SEC23A: variants seen among roughly 807,000 people sequenced by gnomAD.
SEC23A encodes the protein SEC23 homolog A, COPII component.
In SEC23A, 56 loss-of-function variants were observed where a neutral mutation model predicts 103.7. That is an observed-to-expected ratio of 0.54 (90% CI 0.44 to 0.67). The LOEUF (loss-of-function observed/expected upper bound fraction) is 0.67, where lower values mean the gene tolerates loss of function less well. Ranked by LOEUF, SEC23A falls within the 30% of genes least tolerant of loss-of-function variation. The pLI, the probability that SEC23A is intolerant of heterozygous loss-of-function variation, is 0.00. For missense variants in SEC23A, 784 were observed against 936.4 expected, an observed-to-expected ratio of 0.84 and a Z score of 2.12; for synonymous variants, 281 against 293.0, an observed-to-expected ratio of 0.96 and a Z score of 0.42.
At chr14:39,068,063 A>G (rs1423651827) in intron 9 of SEC23A, among the ~76,000 whole-genome samples, 2 of 152,176 alleles carry the variant, frequency 1.3e-5, no homozygotes, top group African/African-American at 4.8e-5. Context: ...GCAAATGAGA[A>G]TGGAAGAAAA....
chr14:39,072,561 C>A (rs1886873057), intron 9 of SEC23A, among the ~76,000 whole-genome samples: 1 of 151,938 alleles, frequency 6.6e-6, no homozygotes, highest in Non-Finnish European at 1.5e-5. Context: ...ACCTGTAATC[C>A]CAGCACTTTG....
At chr14:39,034,499 C>T (rs1885400593) in intron 19 of SEC23A, among the ~76,000 whole-genome samples, 1 of 152,158 alleles carries the variant, frequency 6.6e-6, no homozygotes, top group Non-Finnish European at 1.5e-5. Flanking sequence ...CACAGAAAAG[C>T]ACAAGTCTCA....
Position 39,094,432 on chromosome 14 carries a change from ATATATATATATTTTT to A in SEC23A, c.222-1203_222-1189del, listed in dbSNP as rs1400815200. Among the ~76,000 whole-genome samples the A allele has an allele frequency of 2.6e-3, 95 of 36,844 alleles. 21 individuals carry two copies. The highest frequency in any genetic ancestry group is 0.017 in the African/African-American group (73 of 4,264). 24.2% of individuals were successfully genotyped at this position (36,844 alleles called of 152,430 possible). ...TATATATATATATATATATATATAT[ATATATATATATTTTT>A]TTTTTTTTTTTTTCCCCTCCTGTAG... On this transcript the variant is annotated intron_variant, in intron 2 of 19. Transcript: ENST00000307712.
At chr14:39,069,623 C>G (rs1886778502) in intron 9 of SEC23A, among the ~76,000 whole-genome samples, 5 of 151,946 alleles carry the variant, frequency 3.3e-5, no homozygotes, top group Admixed American at 3.3e-4. Context: ...CCATGCCCAG[C>G]CAATTTTTGT....
intron 13 of SEC23A, 39 bp downstream of exon 13, chr14:39,061,726 T>C: frequency 7.1e-7 from 1 of 1,400,744 alleles, no homozygotes; most frequent in East Asian, 2.3e-5. Context: ...CCCAGATACC[T>C]GTGATATGAA....
intron 3 of SEC23A, 174 bp from the exon 4 acceptor site, chr14:39,092,801 A>G: frequency 3.5e-6 from 2 of 579,306 alleles, no homozygotes; most frequent in Non-Finnish European, 6.1e-6. Context: ...CATGACTAGT[A>G]TTTTGGCATT....
In SEC23A at chr14:39,074,474, A is replaced by C. The variant is rs1280564476; in HGVS notation, c.1044T>G (p.Tyr348Ter). 1 of 1,613,710 alleles carries C rather than the reference A, an allele frequency of 6.2e-7. No homozygotes were observed. The highest frequency in any genetic ancestry group is 2.2e-5 in the East Asian group (1 of 44,850). ...AATTGHVIDI[Y>*]ACALDQTGLL... ...GACCTGTCTGATCTAATGCACACGC[A>C]TAGATATCAATAACATGGCCAGTTG... Residue 348 changes from tyrosine to a stop codon, truncating the protein, a stop_gained, in exon 9 of 20, where the codon TAT (tyrosine) becomes TAG (stop). Coordinates refer to ENST00000307712, the MANE Select transcript of SEC23A (RefSeq NM_006364.4). LOFTEE classifies it high-confidence loss of function.
At chr14:39,094,542 C>T (rs1224423658) in intron 2 of SEC23A, among the ~76,000 whole-genome samples, 4 of 149,176 alleles carry the variant, frequency 2.7e-5, no homozygotes, top group African/African-American at 9.8e-5. Context: ...GGATTACAGG[C>T]GTGAGCTACT....
In SEC23A at chr14:39,060,089, A is replaced by ATGTGTGCACACACATGTGTGTG. The variant is rs538925665; in HGVS notation, c.1505+1654_1505+1675dup. On this transcript the variant is annotated intron_variant, in intron 13 of 19. Transcript: ENST00000307712. ...GCAAATGTTCTGAATGTCAAATTTA[A>ATGTGTGCACACACATGTGTGTG]TGTGTGCACACACATGTGTGTGTGT... 1.9e-3 allele frequency among the ~76,000 whole-genome samples: 289 copies of ATGTGTGCACACACATGTGTGTG among 148,436 alleles called. No individual in the cohort carries two copies. The Middle Eastern group carries it at 0.035, about 18-fold the overall frequency.
In SEC23A at chr14:39,032,736, C is replaced by G. The variant is rs1236138114; in HGVS notation, c.*503G>C. ...TCCTAAACAAATCATAAAAATAAAT[C>G]TGCCTTAACCTAGTAAGTACAGAAA... is the stretch of plus-strand genomic sequence containing the variant. On this transcript the variant is annotated 3_prime_UTR_variant, in exon 20 of 20. Coordinates refer to ENST00000307712, the MANE Select transcript of SEC23A (RefSeq NM_006364.4). 6.6e-6 allele frequency: 1 copy of G among 152,574 alleles called. No individual in the cohort carries two copies. The highest frequency in any genetic ancestry group is 2.4e-5 in the African/African-American group (1 of 41,430). The allele number at this position is 152,574 out of a possible 1,614,324, so 9.5% of individuals were successfully genotyped here.
In SEC23A at chr14:39,065,997, C is replaced by CAAAAAAAAAAAAAAAAAAA. The variant is rs59260008; in HGVS notation, c.1228-1023_1228-1005dup. ...GGGCAATAAGAGCGAAACTCCATCT[C>CAAAAAAAAAAAAAAAAAAA]AAAAAAAAAAAAAAAAAAAAAAAAA... On this transcript the variant is annotated intron_variant, in intron 10 of 19. Transcript: ENST00000307712. 2.0e-4 allele frequency among the ~76,000 whole-genome samples: 16 copies of CAAAAAAAAAAAAAAAAAAA among 80,488 alleles called. 2 individuals are homozygous for CAAAAAAAAAAAAAAAAAAA. The highest frequency in any genetic ancestry group is 8.8e-4 in the South Asian group (2 of 2,260). The allele number at this position is 80,488 out of a possible 152,430, so 52.8% of individuals were successfully genotyped here.
At chr14:39,045,073 T>G in intron 16 of SEC23A, 90 bp downstream of exon 16, 1 of 1,064,880 alleles carries the variant, frequency 9.4e-7, no homozygotes, top group South Asian at 1.3e-5. Flanking sequence ...TTATATTTAG[T>G]AACTATATGC....
intron 1 of SEC23A, among the ~76,000 whole-genome samples, chr14:39,099,953 TAAGA>T (rs1888026396): frequency 6.6e-6 from 1 of 152,226 alleles, no homozygotes; most frequent in South Asian, 2.1e-4. Flanking sequence ...GAAACCTCAC[TAAGA>T]AAGGTTCCAG....
intron 19 of SEC23A, among the ~76,000 whole-genome samples, chr14:39,036,133 A>G (rs545218846): frequency 2.6e-5 from 4 of 152,118 alleles, no homozygotes; most frequent in Admixed American, 1.3e-4. Flanking sequence ...ATCCTGGCCA[A>G]CATGGTGAAA....
intron 9 of SEC23A, among the ~76,000 whole-genome samples, chr14:39,072,602 A>T (rs996728239): frequency 2.0e-5 from 3 of 152,040 alleles, no homozygotes; most frequent in Admixed American, 2.0e-4. Flanking sequence ...CGAGCCCAGG[A>T]GTTCGAGACC....
intron 2 of SEC23A, among the ~76,000 whole-genome samples, chr14:39,094,064 C>T (rs1356043479): frequency 6.6e-6 from 1 of 151,182 alleles, no homozygotes; most frequent in Non-Finnish European, 1.5e-5. Flanking sequence ...TTCTATTGCC[C>T]ATGCTGCAGT....
Position 39,040,884 on chromosome 14 carries a change from T to C in SEC23A, c.1990A>G (p.Ile664Val). Residue 664 changes from isoleucine to valine, a missense_variant, in exon 18 of 20, where the codon ATA (isoleucine) becomes GTA (valine). Ile to Val is a conservative substitution (Grantham distance 29, BLOSUM62 3). Around this residue, in one of 2 missense-constraint regions of SEC23A, gnomAD observed 101 missense variants for 162.2 expected, o/e 0.62. Transcript: ENST00000307712. ...FQILIYHGET[I>V]AQWRKSGYQD... ...TATCCTGACTTCCGCCACTGTGCTA[T>C]GGTCTAATTTTAAAACAATTAAAGA... The C allele has an allele frequency of 6.2e-7, 1 of 1,612,948 alleles. No individual in the cohort carries two copies.
At chr14:39,089,398 G>A (rs894269346) in intron 5 of SEC23A, among the ~76,000 whole-genome samples, 8 of 151,806 alleles carry the variant, frequency 5.3e-5, no homozygotes, top group Non-Finnish European at 1.2e-4. Flanking sequence ...AAAAACTAAA[G>A]CACAGAGATT....
chr14:39,070,887 C>T (rs1594463143), intron 9 of SEC23A, among the ~76,000 whole-genome samples: 2 of 152,186 alleles, frequency 1.3e-5, no homozygotes, highest in East Asian at 1.9e-4. Flanking sequence ...ATTAGCTGGA[C>T]GTAGTGGCGC....
Sources: gnomAD v4.1 joint callset for allele counts (sites outside exome capture counted in the v4.1 genomes callset) on GRCh38, gnomAD v4.1.1 for gene constraint, gnomAD v4.1.1 regional missense constraint, MANE v1.5 for transcripts, NCBI Gene and HGNC (gene_info 2026-07-23, HGNC 2026-07-21) for gene names.